The following NEBL variants were observed in gnomAD, a reference collection of about 807,000 sequenced individuals.
NEBL encodes the protein nebulette, also known as LIM and SH3 protein 2.
In NEBL, 122 loss-of-function variants were observed where a neutral mutation model predicts 140.2. The observed-to-expected ratio is 0.87, with a 90% CI of 0.75 to 1.01. The LOEUF is 1.01. Among genes scored for constraint, NEBL ranks in the 50% least tolerant of loss-of-function variants. The pLI is 0.00. For missense variants in NEBL, 1,365 were observed against 1,231.3 expected, an observed-to-expected ratio of 1.11 and a Z score of -1.62; for synonymous variants, 436 against 398.9, an observed-to-expected ratio of 1.09 and a Z score of -1.11.
At position 21,111,294 on chromosome 10, in the gene NEBL, T is replaced by C. The variant is rs1423712608; in HGVS notation, c.164+61089A>G. Among the ~76,000 whole-genome samples the C allele has an allele frequency of 2.0e-5, 3 of 152,126 alleles. No individual in the cohort carries two copies. In the South Asian group the frequency reaches 6.2e-4, roughly 31 times the overall value. On this transcript the variant is annotated intron_variant, in intron 2 of 6. Transcript: ENST00000417816. ...AGAGCCCACAGAGCCAAGATAATCC[T>C]AAGCAAAAAGAACAAAGTGGGAGGC... is the stretch of plus-strand genomic sequence containing the variant.
intron 2 of NEBL, among the ~76,000 whole-genome samples, chr10:20,894,983 T>A (rs1016024568): frequency 1.4e-5 from 2 of 147,180 alleles, no homozygotes; most frequent in South Asian, 4.4e-4. Context: ...TAAATTTAAG[T>A]AGTACATTCT....
At chr10:21,147,396 GTT>G (rs575290796) in intron 2 of NEBL, among the ~76,000 whole-genome samples, 15 of 131,258 alleles carry the variant, frequency 1.1e-4, no homozygotes, top group Admixed American at 1.5e-4. Flanking sequence ...TTCTCCTCCG[GTT>G]TTTTTTTTTT....
intron 4 of NEBL, among the ~76,000 whole-genome samples, chr10:20,914,906 G>A (rs919644673): frequency 3.3e-5 from 5 of 151,480 alleles, no homozygotes; most frequent in Non-Finnish European, 4.4e-5. Context: ...CACCCAGGCC[G>A]GAATGCAGTG....
In NEBL at chr10:20,858,354, T is replaced by C; in HGVS notation, c.799-10A>G. The C allele has an allele frequency of 6.4e-7, 1 of 1,551,300 alleles. No individual in the cohort carries two copies. Among genetic ancestry groups the C allele is most frequent in the Non-Finnish European group, 8.9e-7 (1 of 1,123,016 alleles). On this transcript the variant is annotated splice_polypyrimidine_tract_variant and intron_variant, in intron 8 of 27. Coordinates refer to ENST00000377122, the MANE Select transcript of NEBL (RefSeq NM_006393.3). ...CTTTCTTGTACTTCACCTATGAAAA[T>C]AACATGGAACAAAATACCATCGAGG...
chr10:21,142,049 G>A (rs1212519209), intron 2 of NEBL, among the ~76,000 whole-genome samples: 1 of 152,120 alleles, frequency 6.6e-6, no homozygotes, highest in Non-Finnish European at 1.5e-5. Flanking sequence ...AAAGGGTTTT[G>A]AATCACTCTC....
At chr10:21,265,553 A>G (rs1842788389) in intron 1 of NEBL, among the ~76,000 whole-genome samples, 1 of 152,176 alleles carries the variant, frequency 6.6e-6, no homozygotes, top group African/African-American at 2.4e-5. Context: ...GTTTTGATGC[A>G]ATAATTCAAG....
chr10:20,882,176 G>A (rs1846070211), intron 4 of NEBL, among the ~76,000 whole-genome samples: 1 of 146,830 alleles, frequency 6.8e-6, no homozygotes, highest in Non-Finnish European at 1.5e-5. Flanking sequence ...AAGAAAGAAA[G>A]AAGGAAAGAC....
chr10:21,241,337 AG>A (rs1223574125), intron 3 of NEBL, among the ~76,000 whole-genome samples: 4 of 152,126 alleles, frequency 2.6e-5, no homozygotes, highest in Non-Finnish European at 2.9e-5. Context: ...CCAGGCCACC[AG>A]GGGGCCGCCT....
At chr10:20,942,500 A>C (rs1183898413) in intron 4 of NEBL, among the ~76,000 whole-genome samples, 2 of 152,260 alleles carry the variant, frequency 1.3e-5, no homozygotes, top group Non-Finnish European at 2.9e-5. Flanking sequence ...AAGAAAACCT[A>C]GGGAATACCA....
chr10:21,163,262 A>G (rs1840630171), intron 2 of NEBL, among the ~76,000 whole-genome samples: 2 of 152,198 alleles, frequency 1.3e-5, no homozygotes, highest in Non-Finnish European at 2.9e-5. Flanking sequence ...AGAGAGTAGT[A>G]TACTCAGAAC....
At chr10:21,052,167 CA>C (rs1834807559) in intron 2 of NEBL, among the ~76,000 whole-genome samples, 1 of 152,064 alleles carries the variant, frequency 6.6e-6, no homozygotes, top group African/African-American at 2.4e-5. Flanking sequence ...CTTTTTCCTT[CA>C]GAAGGAAATG....
intron 4 of NEBL, among the ~76,000 whole-genome samples, chr10:20,930,230 A>G (rs1834117750): frequency 6.6e-6 from 1 of 152,104 alleles, no homozygotes; most frequent in African/African-American, 2.4e-5. Flanking sequence ...TCACTCATTT[A>G]CTAGAAACAA....
chr10:21,240,365 C>T (rs768775490), intron 3 of NEBL, among the ~76,000 whole-genome samples: 2 of 151,804 alleles, frequency 1.3e-5, no homozygotes, highest in Admixed American at 6.6e-5. Context: ...ATGATGTGAC[C>T]GGGAGCAGTG....
At chr10:20,879,936 T>C (rs1486578748) in intron 5 of NEBL, among the ~76,000 whole-genome samples, 1 of 152,186 alleles carries the variant, frequency 6.6e-6, no homozygotes, top group East Asian at 1.9e-4. Flanking sequence ...CTGCTAACTT[T>C]TACCAAAAAA....
intron 3 of NEBL, among the ~76,000 whole-genome samples, chr10:20,987,552 GCT>G (rs1364902642): frequency 6.6e-6 from 1 of 151,996 alleles, no homozygotes; most frequent in Non-Finnish European, 1.5e-5. Context: ...CCTCCACTCA[GCT>G]CTGCCTCCCA....
chr10:20,984,147 T>C (rs973630515), intron 3 of NEBL, among the ~76,000 whole-genome samples: 1 of 150,810 alleles, frequency 6.6e-6, no homozygotes, highest in Non-Finnish European at 1.5e-5. Flanking sequence ...GCTCCAAACT[T>C]CTAAAAAGTA....
At chr10:20,856,546 G>C (rs913834565) in intron 9 of NEBL, among the ~76,000 whole-genome samples, 4 of 152,154 alleles carry the variant, frequency 2.6e-5, no homozygotes, top group Non-Finnish European at 4.4e-5. Flanking sequence ...GGGGCTCAGG[G>C]AATAGAAATA....
upstream of NEBL, among the ~76,000 whole-genome samples, chr10:21,177,161 G>A (rs1216791891): frequency 6.6e-6 from 1 of 152,236 alleles, no homozygotes; most frequent in East Asian, 1.9e-4. Context: ...GAGTGGACAT[G>A]ACATATGTCG....
intron 1 of NEBL, among the ~76,000 whole-genome samples, chr10:21,257,238 A>C (rs1222419858): frequency 6.6e-6 from 1 of 152,238 alleles, no homozygotes; most frequent in Non-Finnish European, 1.5e-5. Flanking sequence ...CATTGTTTTC[A>C]GTATTTCTAT....
Sources: gnomAD v4.1 joint callset for allele counts (sites outside exome capture counted in the v4.1 genomes callset) on GRCh38, gnomAD v4.1.1 for gene constraint, MANE v1.5 for transcripts, NCBI Gene and HGNC (gene_info 2026-07-23, HGNC 2026-07-21) for gene names.